CAST: variants seen among roughly 807,000 people sequenced by gnomAD.
CAST encodes MIR583 host.
In CAST, 76 loss-of-function variants were observed where a neutral mutation model predicts 119.6. The ratio of observed to expected loss-of-function variants is 0.64; its 90% CI spans 0.53 to 0.77. The LOEUF (loss-of-function observed/expected upper bound fraction) is 0.77, where lower values mean the gene tolerates loss of function less well. Among genes scored for constraint, CAST ranks in the 30% least tolerant of loss-of-function variants. The probability of loss-of-function intolerance (pLI) is 0.00; values close to 1 mark genes in which losing one functional copy is unlikely to be tolerated. For synonymous variants in CAST, 319 were observed against 331.6 expected, an observed-to-expected ratio of 0.96 and a Z score of 0.41; for missense variants, 953 against 946.5, an observed-to-expected ratio of 1.01 and a Z score of -0.09.
intron 20 of CAST, among the ~76,000 whole-genome samples, chr5:96,751,763 G>A (rs140747319): frequency 1.7e-3 from 258 of 152,318 alleles, no homozygotes; most frequent in African/African-American, 6.1e-3. Context: ...TGCACCACCT[G>A]CCTCATCTGC....
the CAST span, among the ~76,000 whole-genome samples, chr5:96,303,870 T>C: frequency 6.6e-6 from 1 of 152,220 alleles, no homozygotes; most frequent in Non-Finnish European, 1.5e-5. Context: ...TTGGGTTGGT[T>C]CCAAGTCTTT....
At chr5:96,107,302 C>T in the CAST span, among the ~76,000 whole-genome samples, 2 of 151,916 alleles carry the variant, frequency 1.3e-5, no homozygotes, top group African/African-American at 2.4e-5. Context: ...TTAGTTGATG[C>T]AGTTTCTTCC....
chr5:96,185,254 C>T, the CAST span, among the ~76,000 whole-genome samples: 4 of 151,886 alleles, frequency 2.6e-5, no homozygotes, highest in South Asian at 2.1e-4. Flanking sequence ...ATTAGACCTT[C>T]GTCAGATGAA....
At chr5:96,290,611 T>C in the CAST span, among the ~76,000 whole-genome samples, 2 of 152,316 alleles carry the variant, frequency 1.3e-5, no homozygotes, top group East Asian at 3.9e-4. Context: ...TGAAAACAAA[T>C]GCATTCAGAG....
the CAST span, among the ~76,000 whole-genome samples, chr5:96,198,917 G>A: frequency 6.6e-6 from 1 of 151,962 alleles, no homozygotes; most frequent in Non-Finnish European, 1.5e-5. Context: ...CATTTTTCAT[G>A]TTCCATATCA....
intron 7 of CAST, 65 bp from the exon 8 acceptor site, chr5:96,729,543 ATGTT>A: frequency 1.4e-6 from 1 of 736,192 alleles, no homozygotes; most frequent in Non-Finnish European, 2.5e-6. Flanking sequence ...TATCAGTATT[ATGTT>A]TAAGACTACC....
At chr5:95,967,707 A>G in the CAST span, among the ~76,000 whole-genome samples, 1 of 152,022 alleles carries the variant, frequency 6.6e-6, no homozygotes, top group Non-Finnish European at 1.5e-5. Context: ...TTCCCCTTCC[A>G]CCATGATTGT....
At chr5:96,181,316 C>T in the CAST span, among the ~76,000 whole-genome samples, 18 of 152,254 alleles carry the variant, frequency 1.2e-4, no homozygotes, top group Middle Eastern at 3.4e-3. Flanking sequence ...TCTTCCTTCC[C>T]GGGGTGTGGT....
At chr5:96,471,786 G>GTGTGTGTT in the CAST span, among the ~76,000 whole-genome samples, 248 of 149,532 alleles carry the variant, frequency 1.7e-3, 1 homozygote, top group African/African-American at 4.6e-3. Flanking sequence ...GTGTGTGTGT[G>GTGTGTGTT]TGTGTGTGTG....
the CAST span, among the ~76,000 whole-genome samples, chr5:96,145,147 A>G: frequency 6.6e-6 from 1 of 152,204 alleles, no homozygotes; most frequent in Admixed American, 6.5e-5. Flanking sequence ...TTCAGCTATC[A>G]GTTAATAGCT....
At chr5:96,520,565 ATGTGTGTGTGTC>A (rs1561405144), upstream of CAST, among the ~76,000 whole-genome samples, 2 of 151,148 alleles carry the variant, frequency 1.3e-5, no homozygotes, top group African/African-American at 4.9e-5. Context: ...CTAGGTGTGT[ATGTGTGTGTGTC>A]TGTGTGTGTG....
chr5:96,742,800 A>G, intron 16 of CAST, 44 bp downstream of exon 16: 4 of 1,356,350 alleles, frequency 2.9e-6, no homozygotes, highest in Non-Finnish European at 4.2e-6. Flanking sequence ...TAGTCTGCAC[A>G]TTACAAAACC....
chr5:96,226,927 T>G, the CAST span, among the ~76,000 whole-genome samples: 2 of 152,224 alleles, frequency 1.3e-5, no homozygotes, highest in Non-Finnish European at 2.9e-5. Context: ...TGGTAGTTTT[T>G]AACACACTAT....
the CAST span, among the ~76,000 whole-genome samples, chr5:96,026,547 T>A: frequency 6.6e-6 from 1 of 152,234 alleles, no homozygotes; most frequent in Non-Finnish European, 1.5e-5. Flanking sequence ...ATCTTTTAAC[T>A]GGCCTCCTGG....
chr5:96,341,868 A>T, the CAST span, among the ~76,000 whole-genome samples: 2 of 152,212 alleles, frequency 1.3e-5, no homozygotes, highest in Non-Finnish European at 2.9e-5. Flanking sequence ...CAGTATGATG[A>T]GTACAGGGAA....
intron 1 of CAST, among the ~76,000 whole-genome samples, chr5:96,675,066 G>T (rs1190086164): frequency 6.6e-6 from 1 of 152,174 alleles, no homozygotes; most frequent in Non-Finnish European, 1.5e-5. Context: ...AGAAGTTGCA[G>T]GTATGGTCTT....
chr5:96,701,289 A>T (rs1305391589), intron 3 of CAST, among the ~76,000 whole-genome samples: 1 of 152,156 alleles, frequency 6.6e-6, no homozygotes, highest in East Asian at 1.9e-4. Flanking sequence ...ACAGAAATAC[A>T]TTCAGAGATA....
chr5:96,155,900 C>T, the CAST span, among the ~76,000 whole-genome samples: 1 of 152,206 alleles, frequency 6.6e-6, no homozygotes, highest in Non-Finnish European at 1.5e-5. Context: ...GGTCTTGTGC[C>T]AGGCCCTACC....
intron 1 of CAST, among the ~76,000 whole-genome samples, chr5:96,590,131 C>A (rs566385404): frequency 3.9e-5 from 6 of 152,166 alleles, no homozygotes; most frequent in Non-Finnish European, 7.4e-5. Flanking sequence ...TTTTTCAGAG[C>A]AAGTTGTATT....
Sources: gnomAD v4.1 joint callset for allele counts (sites outside exome capture counted in the v4.1 genomes callset) on GRCh38, gnomAD v4.1.1 for gene constraint, MANE v1.5 for transcripts, NCBI Gene and HGNC (gene_info 2026-07-23, HGNC 2026-07-21) for gene names.